ATP8A2: variants seen among roughly 807,000 people sequenced by gnomAD.
The protein encoded by ATP8A2 is ATPase phospholipid transporting 8A2.
In ATP8A2, 100 loss-of-function variants were observed where a neutral mutation model predicts 165.6. That is an observed-to-expected ratio of 0.60 (90% CI 0.51 to 0.71). The LOEUF is 0.71. Ranked by LOEUF, ATP8A2 falls within the 30% of genes least tolerant of loss-of-function variation. The probability of loss-of-function intolerance (pLI) is 0.00; values close to 1 mark genes in which losing one functional copy is unlikely to be tolerated. For synonymous variants in ATP8A2, 543 were observed against 548.8 expected (o/e 0.99, Z 0.15); for missense variants, 1,227 against 1,479.5 (o/e 0.83, Z 2.80).
At chr13:25,914,226 T>C (rs1169166148) in intron 33 of ATP8A2, among the ~76,000 whole-genome samples, 7 of 152,196 alleles carry the variant, frequency 4.6e-5, no homozygotes, top group Admixed American at 4.6e-4. Flanking sequence ...CTTCCTGGAT[T>C]TCCTGTGTTT....
chr13:25,563,255 C>T (rs2039213776), intron 15 of ATP8A2, among the ~76,000 whole-genome samples: 1 of 152,056 alleles, frequency 6.6e-6, no homozygotes, highest in Non-Finnish European at 1.5e-5. Flanking sequence ...ACTAAAAATA[C>T]AAAATTAGCC....
chr13:25,434,920 A>C (rs1294881658), intron 1 of ATP8A2, among the ~76,000 whole-genome samples: 1 of 152,066 alleles, frequency 6.6e-6, no homozygotes, highest in Non-Finnish European at 1.5e-5. Flanking sequence ...AGCATTTCAC[A>C]TCTCATCTTG....
chr13:25,532,787 C>T (rs1226370322), intron 5 of ATP8A2, among the ~76,000 whole-genome samples: 1 of 152,126 alleles, frequency 6.6e-6, no homozygotes, highest in East Asian at 1.9e-4. Context: ...CCACCTCAGC[C>T]TCTTGAGTAG....
Position 25,877,774 on chromosome 13 carries a change from A to G in ATP8A2, c.3183+15366A>G, listed in dbSNP as rs528402299. On this transcript the variant is annotated intron_variant, in intron 33 of 36. Coordinates refer to ENST00000381655, the MANE Select transcript of ATP8A2 (RefSeq NM_016529.6). ...TGTTTACTGCCAAAATCACCATTGC[A>G]GTTAATTCTAAAGCCATTGTATAAG... Among the ~76,000 whole-genome samples, 8 of 152,334 alleles carry G rather than the reference A, an allele frequency of 5.3e-5. 1 individual carries two copies. In the East Asian group the frequency reaches 1.5e-3, roughly 29 times the overall value.
chr13:25,405,791 A>C (rs1052649836), intron 1 of ATP8A2, among the ~76,000 whole-genome samples: 2 of 152,244 alleles, frequency 1.3e-5, no homozygotes, highest in Admixed American at 1.3e-4. Flanking sequence ...TAGGCTAGAC[A>C]GTGCCTTGCA....
In ATP8A2 at chr13:25,468,117, G is replaced by T. The variant is rs185189048; in HGVS notation, c.77-860G>T. Among the ~76,000 whole-genome samples, 18 of 152,244 alleles carry T rather than the reference G, an allele frequency of 1.2e-4. No homozygotes were observed. The East Asian group carries it at 3.5e-3, about 29-fold the overall frequency. ...GCGGGTACCAGTTTCAGTAATAACT[G>T]GATCCTTCTCTAGGTCTAGGCTGGA... On this transcript the variant is annotated intron_variant, in intron 1 of 36. Transcript: ENST00000381655.
chr13:25,812,627 A>C (rs1430939996), intron 27 of ATP8A2, among the ~76,000 whole-genome samples: 2 of 150,732 alleles, frequency 1.3e-5, no homozygotes, highest in African/African-American at 4.9e-5. Context: ...ATTAAAACAA[A>C]ATTAAGTAAG....
intron 30 of ATP8A2, among the ~76,000 whole-genome samples, chr13:25,846,185 CA>C (rs879392514): frequency 2.0e-5 from 3 of 150,748 alleles, no homozygotes; most frequent in Admixed American, 6.6e-5. Flanking sequence ...CAAAACAAAA[CA>C]AAAAAAAAGA....
chr13:25,751,793 T>C (rs950527801), intron 25 of ATP8A2, among the ~76,000 whole-genome samples: 2 of 151,998 alleles, frequency 1.3e-5, no homozygotes, highest in African/African-American at 4.8e-5. Flanking sequence ...AAGTAATCTA[T>C]GTTAATAATA....
At chr13:25,748,343 T>A (rs887498321) in intron 25 of ATP8A2, among the ~76,000 whole-genome samples, 12 of 152,254 alleles carry the variant, frequency 7.9e-5, no homozygotes, top group Non-Finnish European at 1.5e-5. Flanking sequence ...AATGACCTGA[T>A]TTTTCTCCTC....
rs749762672 is a variant in ATP8A2, at chr13:25,551,360, A to G, written c.914A>G (p.Lys305Arg). 5.0e-6 allele frequency: 8 copies of G among 1,612,348 alleles called. No individual in the cohort carries two copies. Among genetic ancestry groups the G allele is most frequent in the Non-Finnish European group, 6.8e-6 (8 of 1,178,600 alleles). ...LMQNSTKAPL[K>R]RSNVEKVTNV... ...TAGAATTCAACCAAAGCGCCTCTCA[A>G]GAGATCAAATGTTGAGAAGGTGACT... The change falls in exon 11 of 37, where the codon AAG becomes AGG. Residue 305 changes from lysine (K) to arginine (R), a missense_variant. Lys to Arg is a conservative substitution (Grantham distance 26, BLOSUM62 2). Around this residue, in one of 5 missense-constraint regions of ATP8A2, gnomAD observed 356 missense variants for 394.9 expected, o/e 0.90. Coordinates refer to ENST00000381655, the MANE Select transcript of ATP8A2 (RefSeq NM_016529.6).
At chr13:25,895,747 C>T (rs1260711643) in intron 33 of ATP8A2, among the ~76,000 whole-genome samples, 2 of 152,136 alleles carry the variant, frequency 1.3e-5, no homozygotes, top group African/African-American at 2.4e-5. Context: ...CAACTTATTC[C>T]TGGTTTAGTC....
At chr13:25,441,493 G>A (rs1180001425) in intron 1 of ATP8A2, among the ~76,000 whole-genome samples, 3 of 152,170 alleles carry the variant, frequency 2.0e-5, no homozygotes, top group African/African-American at 7.2e-5. Flanking sequence ...GGCGTGGACT[G>A]TGAAATACTT....
chr13:25,425,605 T>C (rs7335132), intron 1 of ATP8A2, among the ~76,000 whole-genome samples: 43,302 of 121,304 alleles, frequency 0.36, 10,317 homozygotes, highest in East Asian at 0.56. Context: ...GATGGAGTCT[T>C]GCTCTGTCGC....
chr13:25,512,647 A>C (rs1480438351), intron 2 of ATP8A2, among the ~76,000 whole-genome samples: 46 of 95,132 alleles, frequency 4.8e-4, no homozygotes, highest in Middle Eastern at 8.5e-3. Context: ...CTGACCCCCC[A>C]CCTCCCTCCC....
chr13:25,608,311 G>A (rs551572290), intron 24 of ATP8A2, among the ~76,000 whole-genome samples: 25 of 152,288 alleles, frequency 1.6e-4, no homozygotes, highest in African/African-American at 5.1e-4. Flanking sequence ...AAACCATAGC[G>A]TGCATATTTA....
chr13:25,733,586 T>A (rs1372127021), intron 25 of ATP8A2, among the ~76,000 whole-genome samples: 1 of 152,186 alleles, frequency 6.6e-6, no homozygotes, highest in Non-Finnish European at 1.5e-5. Context: ...CCTTTTAATT[T>A]TAGTCATTTA....
chr13:25,572,228 A>G (rs374827473), intron 18 of ATP8A2, among the ~76,000 whole-genome samples: 11 of 152,212 alleles, frequency 7.2e-5, no homozygotes, highest in African/African-American at 2.2e-4. Context: ...TCTGCTTCCC[A>G]GGTTCAAGCA....
In ATP8A2 at chr13:25,707,236, G is replaced by C. The variant is rs536728950; in HGVS notation, c.2384+7891G>C. Among the ~76,000 whole-genome samples, 8 of 152,216 alleles carry C rather than the reference G, an allele frequency of 5.3e-5. No individual in the cohort carries two copies. The South Asian group carries it at 1.5e-3, about 28-fold the overall frequency. ...ATTTACAGCTTAGGAAAAAAAACAA[G>C]CTTTTTGAAATTAAAGCTAATTTTG... On this transcript the variant is annotated intron_variant, in intron 25 of 36. Coordinates refer to ENST00000381655, the MANE Select transcript of ATP8A2 (RefSeq NM_016529.6).
Sources: gnomAD v4.1 joint callset for allele counts (sites outside exome capture counted in the v4.1 genomes callset) on GRCh38, gnomAD v4.1.1 for gene constraint, gnomAD v4.1.1 regional missense constraint, MANE v1.5 for transcripts, NCBI Gene and HGNC (gene_info 2026-07-23, HGNC 2026-07-21) for gene names.